PCDH17: variants seen among roughly 807,000 people sequenced by gnomAD.
PCDH17 encodes protocadherin 17, also known as protocadherin-17.
PCDH17 carries 21 observed loss-of-function variants against 67.7 expected under a neutral mutation model. The observed-to-expected ratio is 0.31, with a 90% CI of 0.22 to 0.45. The LOEUF (loss-of-function observed/expected upper bound fraction) is 0.45. PCDH17 is among the 20% of genes least tolerant of loss of function. PCDH17 has a pLI of 1.00. For synonymous variants in PCDH17, 701 were observed against 656.7 expected (o/e 1.07, Z -1.03); for missense variants, 1,471 against 1,564.8 (o/e 0.94, Z 1.01).
At chr13:57,655,684 A>G (rs1955093599) in intron 1 of PCDH17, among the ~76,000 whole-genome samples, 1 of 152,072 alleles carries the variant, frequency 6.6e-6, no homozygotes, top group South Asian at 2.1e-4. Context: ...TTTTAATGTT[A>G]TCGATCAAAG....
intron 3 of PCDH17, among the ~76,000 whole-genome samples, chr13:57,718,644 A>G (rs2138099003): frequency 6.6e-6 from 1 of 152,172 alleles, no homozygotes; most frequent in African/African-American, 2.4e-5. Flanking sequence ...TGTATGTTAG[A>G]AAAGTGTCAG....
Position 57,634,983 on chromosome 13 carries a change from G to C in PCDH17, c.2437G>C (p.Val813Leu), listed in dbSNP as rs762038339. 6.2e-7 allele frequency: 1 copy of C among 1,613,840 alleles called. No homozygotes were observed. The highest frequency in any genetic ancestry group is 8.5e-7 in the Non-Finnish European group (1 of 1,180,010). Residue 813 changes from valine (V) to leucine (L), a missense_variant, in exon 1 of 4, where the codon GTG becomes CTG. Val to Leu is a conservative substitution (Grantham distance 32). Transcript: ENST00000377918. The surrounding 1 kb of genome is among the most constrained non-coding windows in gnomAD (Gnocchi z 7.8). ...RLPLSSPRSE[V>L]MYLKPASNNL... is the part of the protein sequence containing the mutation. ...GCCCCTCAGCTCGCCCCGGTCGGAGGTGATGTATCTCAAACCGGCCTCCAA... is the reference window on the plus strand; with the variant it reads ...GCCCCTCAGCTCGCCCCGGTCGGAGCTGATGTATCTCAAACCGGCCTCCAA...
At chr13:57,693,625 C>A in intron 3 of PCDH17, among the ~76,000 whole-genome samples, 1 of 150,428 alleles carries the variant, frequency 6.6e-6, no homozygotes, top group Admixed American at 6.6e-5. Flanking sequence ...TGGAAGGACA[C>A]AATAATTTAA....
chr13:57,692,117 C>A (rs967364765), intron 3 of PCDH17, among the ~76,000 whole-genome samples: 1 of 151,100 alleles, frequency 6.6e-6, no homozygotes, highest in Non-Finnish European at 1.5e-5. Context: ...CTTACTATTT[C>A]TTTTCATCCT....
At chr13:57,716,995 C>A (rs1337308173) in intron 3 of PCDH17, among the ~76,000 whole-genome samples, 1 of 151,880 alleles carries the variant, frequency 6.6e-6, no homozygotes, top group East Asian at 1.9e-4. Context: ...GCTGGTGGGA[C>A]GTTTGAATTG....
intron 3 of PCDH17, among the ~76,000 whole-genome samples, chr13:57,699,616 T>G (rs1955644003): frequency 6.6e-6 from 1 of 151,932 alleles, no homozygotes; most frequent in South Asian, 2.1e-4. Context: ...TTTTTATTGC[T>G]TCTTTTATAA....
intron 3 of PCDH17, among the ~76,000 whole-genome samples, chr13:57,709,405 A>G (rs982913821): frequency 2.0e-5 from 3 of 151,700 alleles, no homozygotes; most frequent in African/African-American, 7.3e-5. Flanking sequence ...TATTTCTTCC[A>G]TGGACCTAGG....
intron 1 of PCDH17, among the ~76,000 whole-genome samples, chr13:57,655,814 T>C (rs1035609544): frequency 2.0e-5 from 3 of 152,076 alleles, no homozygotes; most frequent in South Asian, 2.1e-4. Flanking sequence ...AAGAACCATC[T>C]TGGTATTAAG....
At chr13:57,663,710 T>G (rs1413225150) in intron 1 of PCDH17, among the ~76,000 whole-genome samples, 1 of 152,204 alleles carries the variant, frequency 6.6e-6, no homozygotes, top group Non-Finnish European at 1.5e-5. Context: ...TTAGTAAACT[T>G]CTGATACTCT....
At chr13:57,714,387 A>C (rs1207329690) in intron 3 of PCDH17, among the ~76,000 whole-genome samples, 1 of 151,712 alleles carries the variant, frequency 6.6e-6, no homozygotes, top group Non-Finnish European at 1.5e-5. Context: ...TTTAATAGGC[A>C]TGTTTTCATT....
At chr13:57,668,500 T>C (rs1955282347) in intron 3 of PCDH17, among the ~76,000 whole-genome samples, 1 of 152,082 alleles carries the variant, frequency 6.6e-6, no homozygotes, top group Admixed American at 6.6e-5. Context: ...AACTTAGAAA[T>C]GTATTTGACA....
intron 3 of PCDH17, among the ~76,000 whole-genome samples, chr13:57,720,583 A>C (rs1054711418): frequency 6.6e-6 from 1 of 151,952 alleles, no homozygotes; most frequent in Non-Finnish European, 1.5e-5. Flanking sequence ...CCTGTGATTC[A>C]CCTGTATTTC....
At chr13:57,694,023 C>G (rs1048948237) in intron 3 of PCDH17, among the ~76,000 whole-genome samples, 3 of 149,910 alleles carry the variant, frequency 2.0e-5, no homozygotes, top group Non-Finnish European at 4.5e-5. Flanking sequence ...CAAGGCAAGT[C>G]TAGGCAGCAC....
intron 3 of PCDH17, among the ~76,000 whole-genome samples, chr13:57,669,583 A>G (rs1017285464): frequency 6.6e-6 from 1 of 152,090 alleles, no homozygotes; most frequent in African/African-American, 2.4e-5. Context: ...GGAGACTACA[A>G]TTTATTGAGT....
At chr13:57,660,469 GAC>G (rs1408597076) in intron 1 of PCDH17, among the ~76,000 whole-genome samples, 1 of 152,120 alleles carries the variant, frequency 6.6e-6, no homozygotes, top group Non-Finnish European at 1.5e-5. Flanking sequence ...TATTTTATGA[GAC>G]AGAAGAATCC....
At chr13:57,684,147 C>G (rs1279080895) in intron 3 of PCDH17, among the ~76,000 whole-genome samples, 3 of 151,810 alleles carry the variant, frequency 2.0e-5, no homozygotes, top group Non-Finnish European at 4.4e-5. Flanking sequence ...AGGAAAACAA[C>G]ACTATGTTTC....
intron 1 of PCDH17, among the ~76,000 whole-genome samples, chr13:57,650,267 C>A (rs1180354204): frequency 1.0e-5 from 1 of 97,572 alleles, no homozygotes; most frequent in Non-Finnish European, 2.1e-5. Context: ...TGTGTAATAA[C>A]AGATACTCCA....
At position 57,632,448 on chromosome 13, in the gene PCDH17, C is replaced by T. The variant is rs541986282; in HGVS notation, c.-99C>T. 2 of 1,248,632 alleles carry T rather than the reference C, an allele frequency of 1.6e-6. No individual in the cohort carries two copies. Among genetic ancestry groups the T allele is most frequent in the South Asian group, 1.5e-5 (1 of 67,792 alleles). The allele number at this position is 1,248,632 out of a possible 1,614,324, so 77.3% of individuals were successfully genotyped here. A position where few individuals can be genotyped will look rare whatever the true frequency, so the allele number is the denominator to read the frequency against. ...AAAGGACCCATAGACTTGTGGCTCG[C>T]GTCGCGCGCGCACGCTGCGCCAGGG... is the stretch of plus-strand genomic sequence containing the variant. On this transcript the variant is annotated 5_prime_UTR_variant, in exon 1 of 4. Transcript: ENST00000377918.
In PCDH17 at chr13:57,633,648, G is replaced by C; in HGVS notation, c.1102G>C (p.Gly368Arg). 7 of 1,608,186 alleles carry C rather than the reference G, an allele frequency of 4.4e-6. No homozygotes were observed. The highest frequency in any genetic ancestry group is 5.9e-6 in the Non-Finnish European group (7 of 1,179,976). ...QGALSEAAPP[G>R]TVIALVRVTD... ...GGCGCTGAGCGAGGCCGCCCCTCCC[G>C]GCACCGTCATCGCCCTGGTGCGGGT... Residue 368 changes from glycine (G) to arginine (R), a missense_variant, in exon 1 of 4, where the codon GGC (glycine) becomes CGC (arginine). Gly to Arg is a moderately radical substitution (Grantham distance 125). Transcript: ENST00000377918. The surrounding 1 kb of genome is among the most constrained non-coding windows in gnomAD (Gnocchi z 6.2).
Sources: allele counts gnomAD v4.1 joint callset (sites outside exome capture counted in the v4.1 genomes callset), GRCh38; gene constraint gnomAD v4.1.1; non-coding constraint Gnocchi (gnomAD v3.1); transcripts MANE v1.5; gene names NCBI Gene and HGNC (gene_info 2026-07-23, HGNC 2026-07-21).